The following PLXNA1 variants were observed in gnomAD, a reference collection of about 807,000 sequenced individuals.
PLXNA1 encodes the protein plexin-A1.
In PLXNA1, 77 loss-of-function variants were observed where a neutral mutation model predicts 191.7. The observed-to-expected ratio is 0.40, with a 90% CI of 0.33 to 0.49. The LOEUF (loss-of-function observed/expected upper bound fraction) is 0.49, where lower values mean the gene tolerates loss of function less well. Ranked by LOEUF, PLXNA1 falls within the 20% of genes least tolerant of loss-of-function variation. The probability of loss-of-function intolerance (pLI) is 0.63; values close to 1 mark genes in which losing one functional copy is unlikely to be tolerated. For synonymous variants in PLXNA1, 1,137 were observed against 1,156.4 expected (o/e 0.98, Z 0.34); for missense variants, 2,110 against 2,660.2 (o/e 0.79, Z 4.55).
At chr3:127,030,105 A>C (rs1576692596) in intron 28 of PLXNA1, 41 bp downstream of exon 28, 1 of 1,601,748 alleles carries the variant, frequency 6.2e-7, no homozygotes, top group Non-Finnish European at 8.5e-7. Context: ...ACGCTGGGCC[A>C]ACTGAGCTCA....
intron 9 of PLXNA1, among the ~76,000 whole-genome samples, chr3:127,009,800 A>G (rs926278591): frequency 6.6e-6 from 1 of 152,096 alleles, no homozygotes; most frequent in Non-Finnish European, 1.5e-5. Context: ...TGTTGATGGG[A>G]AGGGCCGCCA....
At chr3:126,996,946 G>C (rs1267319324) in intron 3 of PLXNA1, among the ~76,000 whole-genome samples, 1 of 152,186 alleles carries the variant, frequency 6.6e-6, no homozygotes, top group Non-Finnish European at 1.5e-5. Flanking sequence ...CATTGGGGGT[G>C]TGTCACGGGA....
In PLXNA1 at chr3:127,005,242, G is replaced by T; in HGVS notation, c.1896G>T (p.Gln632His). Residue 632 changes from glutamine to histidine, a missense_variant and splice_region_variant, in exon 7 of 32, where the codon CAG becomes CAT. Gln to His is a conservative substitution (Grantham distance 24). Around this residue, in one of 4 missense-constraint regions of PLXNA1, gnomAD observed 903 missense variants for 1,015.7 expected, o/e 0.89. Transcript: ENST00000393409. ...AGGTGGCGCCCATCACGCGGGGCCA[G>T]GGTGAGTGGCCCCAACACAATGGTG... ...AREVAPITRG[Q>H]GDQRVVKLYL... 6.2e-7 allele frequency: 1 copy of T among 1,603,230 alleles called. No homozygotes were observed. The highest frequency in any genetic ancestry group is 8.5e-7 in the Non-Finnish European group (1 of 1,175,744).
At chr3:127,010,723 C>T (rs2079090995) in intron 9 of PLXNA1, among the ~76,000 whole-genome samples, 2 of 152,158 alleles carry the variant, frequency 1.3e-5, no homozygotes, top group African/African-American at 2.4e-5. Context: ...TGACTGAGAC[C>T]TCACGCCAGG....
At position 126,988,716 on chromosome 3, in the gene PLXNA1, C is replaced by T. The variant is rs755304212; in HGVS notation, c.123C>T (p.Phe41=). ...PRAGGGSQPP[F]RTFSASDWGL... ...CAGGCGGGGGTTCACAGCCCCCCTTCCGCACCTTCTCGGCCAGCGACTGGG... is the reference window on the plus strand; with the variant it reads ...CAGGCGGGGGTTCACAGCCCCCCTTTCGCACCTTCTCGGCCAGCGACTGGG... The change falls in exon 2 of 32, where the codon TTC becomes TTT. Residue 41 remains phenylalanine, a synonymous_variant. Transcript: ENST00000393409. 5.7e-6 allele frequency: 9 copies of T among 1,577,124 alleles called. No individual in the cohort carries two copies. Among genetic ancestry groups the T allele is most frequent in the Non-Finnish European group, 7.8e-6 (9 of 1,158,948 alleles).
chr3:127,005,040 G>A, intron 6 of PLXNA1, 32 bp downstream of exon 6: 1 of 1,609,598 alleles, frequency 6.2e-7, no homozygotes, highest in African/African-American at 1.3e-5. Flanking sequence ...GTAAGGGGTG[G>A]GGGACAGCCA....
intron 27 of PLXNA1, 107 bp from the exon 28 acceptor site, chr3:127,029,767 T>C (rs2079197345): frequency 1.5e-6 from 2 of 1,341,954 alleles, no homozygotes; most frequent in Non-Finnish European, 1.0e-6. Context: ...TGCCCCAAAA[T>C]CCCACATGGG....
At position 127,013,927 on chromosome 3, in the gene PLXNA1, C is replaced by T. The variant is rs2079108023; in HGVS notation, c.2314-93C>T. On this transcript the variant is annotated intron_variant, in intron 10 of 31. Transcript: ENST00000393409. ...CGGTTGTGGCTGCAGAAACTTCCCC[C>T]TAAGCTGGCGCCCTGGTGGCTTTGT... 8.6e-6 allele frequency: 10 copies of T among 1,159,912 alleles called. No homozygotes were observed. The South Asian group carries it at 1.2e-4, about 14-fold the overall frequency. The allele number at this position is 1,159,912 out of a possible 1,614,324, so 71.9% of individuals were successfully genotyped here.
intron 29 of PLXNA1, among the ~76,000 whole-genome samples, chr3:127,031,283 G>A (rs948655530): frequency 2.6e-5 from 4 of 152,222 alleles, no homozygotes; most frequent in Admixed American, 2.6e-4. Flanking sequence ...TGCTGTGTGT[G>A]TGGCCCCCAC....
intron 29 of PLXNA1, 69 bp from the exon 30 acceptor site, chr3:127,032,318 G>A: frequency 1.3e-6 from 2 of 1,486,848 alleles, no homozygotes; most frequent in Non-Finnish European, 9.2e-7. Context: ...GGAGCTGGGA[G>A]GGCCACAAGG....
In PLXNA1 at chr3:127,004,907, G is replaced by A. The variant is rs2079058286; in HGVS notation, c.1642G>A (p.Glu548Lys). The change falls in exon 6 of 32, where the codon GAG (glutamate) becomes AAG (lysine). Residue 548 changes from glutamate (E) to lysine (K), a missense_variant. Glu to Lys is a moderately conservative substitution (Grantham distance 56). Around this residue, in one of 4 missense-constraint regions of PLXNA1, gnomAD observed 903 missense variants for 1,015.7 expected, o/e 0.89. Transcript: ENST00000393409. Reference protein sequence around the residue: ...HSICSRRDACERADEPQRFAA... With the variant: ...HSICSRRDACKRADEPQRFAA... ...CAGCTGCTCGCGGCGGGACGCCTGT[G>A]AGCGAGCAGACGAGCCCCAGCGCTT... 2 of 1,604,626 alleles carry A rather than the reference G, an allele frequency of 1.2e-6. No homozygotes were observed. Among genetic ancestry groups the A allele is most frequent in the Non-Finnish European group, 1.7e-6 (2 of 1,174,236 alleles).
At chr3:127,003,546 A>C in intron 4 of PLXNA1, 76 bp downstream of exon 4, 1 of 1,486,070 alleles carries the variant, frequency 6.7e-7, no homozygotes, top group African/African-American at 1.4e-5. Context: ...ACAGAGCAGT[A>C]GGGGTGGGGC....
At position 127,011,978 on chromosome 3, in the gene PLXNA1, C is replaced by T; in HGVS notation, c.2133C>T (p.Pro711=). 2 of 1,613,672 alleles carry T rather than the reference C, an allele frequency of 1.2e-6. No individual in the cohort carries two copies. Among genetic ancestry groups the T allele is most frequent in the Non-Finnish European group, 8.5e-7 (1 of 1,179,894 alleles). ...NVSEDCPQIL[P]STQIYVPVGV... ...CCCAGGACTGCCCACAGATCCTGCC[C>T]TCCACGCAGATCTACGTGCCAGTGG... The change falls in exon 10 of 32, where the codon CCC becomes CCT. Residue 711 remains proline (P), a synonymous_variant. Coordinates refer to ENST00000393409, the MANE Select transcript of PLXNA1 (RefSeq NM_032242.4).
At position 127,014,356 on chromosome 3, in the gene PLXNA1, C is replaced by T. The variant is rs1460034105; in HGVS notation, c.2585C>T (p.Thr862Ile). Residue 862 changes from threonine (T) to isoleucine (I), a missense_variant, in exon 12 of 32, where the codon ACC becomes ATC. Thr to Ile is a moderately conservative substitution (Grantham distance 89, BLOSUM62 -1). This residue lies in a region of PLXNA1 where 644 missense variants were observed against 714.3 expected (regional missense o/e 0.90). Coordinates refer to ENST00000393409, the MANE Select transcript of PLXNA1 (RefSeq NM_032242.4). ...MHARHGSSRC[T>I]DPKILKLSPE... is the part of the protein sequence containing the mutation. The stretch of plus-strand genomic sequence containing the variant: ...GCGCGTCACGGCAGCAGTCGCTGCA[C>T]CGACCCCAAGATCCTCAAGGTAGGG... 4 of 1,593,578 alleles carry T rather than the reference C, an allele frequency of 2.5e-6. No homozygotes were observed. The highest frequency in any genetic ancestry group is 3.4e-5 in the Admixed American group (2 of 59,326).
In PLXNA1 at chr3:127,004,649, G is replaced by A. The variant is rs1390531819; in HGVS notation, c.1557G>A (p.Thr519=). 6.9e-6 allele frequency: 11 copies of A among 1,585,192 alleles called. No homozygotes were observed. Among genetic ancestry groups the A allele is most frequent in the South Asian group, 3.4e-5 (3 of 87,134 alleles). Residue 519 remains threonine, a synonymous_variant, in exon 5 of 32, where the codon ACG becomes ACA. Coordinates refer to ENST00000393409, the MANE Select transcript of PLXNA1 (RefSeq NM_032242.4). ...RVPVESCVQY[T]SCELCLGSRD... ...CTGTGGAGAGCTGTGTGCAGTACAC[G>A]TCCTGTGAGCTGTGTCTGGGGTCAC...
At position 127,018,533 on chromosome 3, in the gene PLXNA1, G is replaced by T; in HGVS notation, c.3895+5G>T. On this transcript the variant is annotated splice_donor_5th_base_variant and intron_variant, in intron 20 of 31. Coordinates refer to ENST00000393409, the MANE Select transcript of PLXNA1 (RefSeq NM_032242.4). ...TGGCCCTCGAATGCAAGGAAGGTCT[G>T]TTGGGGCCAGGGCTCACTGGGGCAA... The T allele has an allele frequency of 1.2e-6, 2 of 1,602,996 alleles. No individual in the cohort carries two copies. Among genetic ancestry groups the T allele is most frequent in the East Asian group, 2.2e-5 (1 of 44,636 alleles).
At chr3:127,000,991 G>C (rs1439941994) in intron 3 of PLXNA1, among the ~76,000 whole-genome samples, 1 of 152,142 alleles carries the variant, frequency 6.6e-6, no homozygotes, top group Non-Finnish European at 1.5e-5. Context: ...CAGGTGGGTG[G>C]ACAGATGGGT....
At position 127,034,117 on chromosome 3, in the gene PLXNA1, G is replaced by C. The variant is rs1205616905; in HGVS notation, c.*100G>C. On this transcript the variant is annotated 3_prime_UTR_variant, in exon 32 of 32. Transcript: ENST00000393409. ...GCGTGTGGAGTGTCCGGTGGTGCTC[G>C]GGCCGCCGCAGTGCAGCGACTGCCC... The C allele has an allele frequency of 4.5e-6, 5 of 1,121,712 alleles. No homozygotes were observed. Among genetic ancestry groups the C allele is most frequent in the African/African-American group, 1.6e-5 (1 of 64,472 alleles). 69.5% of individuals were successfully genotyped at this position (1,121,712 alleles called of 1,614,324 possible).
chr3:127,030,980 G>A (rs2079207233), intron 29 of PLXNA1, among the ~76,000 whole-genome samples: 1 of 152,170 alleles, frequency 6.6e-6, no homozygotes, highest in African/African-American at 2.4e-5. Flanking sequence ...GCTCTATGAG[G>A]CTGGGTTTTG....
Sources: gnomAD v4.1 joint callset for allele counts (sites outside exome capture counted in the v4.1 genomes callset) on GRCh38, gnomAD v4.1.1 for gene constraint, gnomAD v4.1.1 regional missense constraint, MANE v1.5 for transcripts, NCBI Gene and HGNC (gene_info 2026-07-23, HGNC 2026-07-21) for gene names.